Variants in STPG2 observed in about 807,000 individuals in gnomAD.
The protein encoded by STPG2 is sperm tail PG-rich repeat containing 2, also known as sperm-tail PG-rich repeat-containing protein 2.
STPG2 carries 56 observed loss-of-function variants against 54.2 expected under a neutral mutation model. That is an observed-to-expected ratio of 1.03 (90% CI 0.83 to 1.29). The LOEUF (loss-of-function observed/expected upper bound fraction) is 1.29. STPG2 is among the 50% of genes most tolerant of loss of function. The pLI, the probability that STPG2 is intolerant of heterozygous loss-of-function variation, is 0.00. For synonymous variants in STPG2, 200 were observed against 181.8 expected, an observed-to-expected ratio of 1.10 and a Z score of -0.81; for missense variants, 596 against 544.9, an observed-to-expected ratio of 1.09 and a Z score of -0.93.
chr4:97,975,818 A>G (rs941252393), intron 6 of STPG2, among the ~76,000 whole-genome samples: 4 of 152,190 alleles, frequency 2.6e-5, no homozygotes, highest in African/African-American at 9.6e-5. Flanking sequence ...GTCCAAGAAC[A>G]ATCTACAAGA....
At chr4:97,738,702 A>G (rs1578521547) in intron 9 of STPG2, among the ~76,000 whole-genome samples, 1 of 152,168 alleles carries the variant, frequency 6.6e-6, no homozygotes, top group Admixed American at 6.5e-5. Context: ...GAGCACCCAG[A>G]TTCATAAAGC....
chr4:97,814,130 T>C (rs1035954435), intron 9 of STPG2, among the ~76,000 whole-genome samples: 3 of 152,198 alleles, frequency 2.0e-5, no homozygotes, highest in African/African-American at 7.2e-5. Context: ...ACATTATTGA[T>C]ATATTTATAA....
intron 9 of STPG2, among the ~76,000 whole-genome samples, chr4:97,774,994 G>A (rs543981811): frequency 5.9e-5 from 9 of 152,310 alleles, no homozygotes; most frequent in Admixed American, 1.3e-4. Context: ...ACCTGGCTAT[G>A]ACTGACCACT....
At chr4:97,842,531 G>A (rs1178575850) in intron 8 of STPG2, among the ~76,000 whole-genome samples, 1 of 151,826 alleles carries the variant, frequency 6.6e-6, no homozygotes, top group African/African-American at 2.4e-5. Flanking sequence ...CTTATCAGAA[G>A]ACATTATTGT....
intron 4 of STPG2, among the ~76,000 whole-genome samples, chr4:97,547,207 A>G (rs1731852334): frequency 6.6e-6 from 1 of 151,646 alleles, no homozygotes; most frequent in Non-Finnish European, 1.5e-5. Context: ...GAGAAAGACG[A>G]GAAACTTTTT....
intron 5 of STPG2, among the ~76,000 whole-genome samples, chr4:98,094,963 C>A (rs1307727950): frequency 6.6e-6 from 1 of 151,510 alleles, no homozygotes; most frequent in Admixed American, 6.6e-5. Context: ...AATGATGAAC[C>A]AATAAAAAAT....
intron 9 of STPG2, among the ~76,000 whole-genome samples, chr4:97,737,935 GA>G (rs1725070465): frequency 1.3e-5 from 2 of 152,112 alleles, no homozygotes; most frequent in South Asian, 4.1e-4. Flanking sequence ...TGAAATGAAG[GA>G]AAAAATGTTA....
chr4:98,014,976 A>G (rs1022568351), intron 5 of STPG2, among the ~76,000 whole-genome samples: 7 of 152,126 alleles, frequency 4.6e-5, no homozygotes, highest in African/African-American at 1.7e-4. Context: ...TCCACTGACC[A>G]TGTTATGATT....
intron 9 of STPG2, among the ~76,000 whole-genome samples, chr4:97,839,445 T>C (rs981107581): frequency 1.3e-5 from 2 of 151,588 alleles, no homozygotes; most frequent in Non-Finnish European, 3.0e-5. Flanking sequence ...ACAAAAAATA[T>C]CAGGAAATAT....
chr4:97,830,035 T>C (rs1407243701), intron 9 of STPG2, among the ~76,000 whole-genome samples: 1 of 152,010 alleles, frequency 6.6e-6, no homozygotes, highest in African/African-American at 2.4e-5. Context: ...ACCACAAAGA[T>C]ACTACTCGAG....
chr4:97,558,070 G>C (rs1732121603), downstream of STPG2, among the ~76,000 whole-genome samples: 1 of 152,184 alleles, frequency 6.6e-6, no homozygotes, highest in East Asian at 1.9e-4. Flanking sequence ...ATATCTTTCA[G>C]AGTGGCTGCA....
intron 10 of STPG2, among the ~76,000 whole-genome samples, chr4:97,576,917 C>G (rs1055409029): frequency 6.6e-6 from 1 of 152,008 alleles, no homozygotes; most frequent in Admixed American, 6.6e-5. Context: ...AGCAAATAGC[C>G]TCATTAAAAA....
intron 10 of STPG2, among the ~76,000 whole-genome samples, chr4:97,604,190 T>G (rs912966968): frequency 2.6e-5 from 4 of 151,652 alleles, no homozygotes; most frequent in Admixed American, 6.6e-5. Context: ...GTAATCCATA[T>G]TCTAGAAGGA....
At chr4:98,124,760 C>T (rs557346609) in intron 3 of STPG2, among the ~76,000 whole-genome samples, 5 of 152,210 alleles carry the variant, frequency 3.3e-5, no homozygotes, top group South Asian at 2.1e-4. Flanking sequence ...GATGATATCC[C>T]AAGGTATGTT....
At chr4:97,467,393 A>G (rs990954826) in intron 4 of STPG2, among the ~76,000 whole-genome samples, 10 of 151,296 alleles carry the variant, frequency 6.6e-5, no homozygotes, top group Admixed American at 2.0e-4. Context: ...ATTCATATAG[A>G]AAAAAAAATC....
intron 5 of STPG2, among the ~76,000 whole-genome samples, chr4:98,067,158 C>T (rs2110104232): frequency 6.6e-6 from 1 of 152,144 alleles, no homozygotes; most frequent in East Asian, 1.9e-4. Flanking sequence ...AAGAGTCAAT[C>T]ATTCTCTTTA....
intron 9 of STPG2, among the ~76,000 whole-genome samples, chr4:97,835,047 T>C (rs916250959): frequency 3.3e-5 from 5 of 152,078 alleles, no homozygotes; most frequent in African/African-American, 4.8e-5. Flanking sequence ...AAAATAAGGC[T>C]GAGACATGCT....
intron 5 of STPG2, among the ~76,000 whole-genome samples, chr4:97,997,623 T>C (rs1171457731): frequency 6.6e-6 from 1 of 152,102 alleles, no homozygotes; most frequent in Admixed American, 6.6e-5. Flanking sequence ...CGAAACTATG[T>C]CACTGGACAA....
chr4:97,602,753 A>G (rs934643767), intron 10 of STPG2, among the ~76,000 whole-genome samples: 3 of 151,684 alleles, frequency 2.0e-5, no homozygotes, highest in Admixed American at 6.6e-5. Flanking sequence ...CTAATCCTCC[A>G]TTATCTTAGT....
Sources: allele counts gnomAD v4.1 joint callset (sites outside exome capture counted in the v4.1 genomes callset), GRCh38; gene constraint gnomAD v4.1.1; transcripts MANE v1.5; gene names NCBI Gene and HGNC (gene_info 2026-07-23, HGNC 2026-07-21).